Variants in PDE6B observed in about 807,000 individuals in gnomAD.
PDE6B encodes phosphodiesterase 6B, also known as rod cGMP-specific 3',5'-cyclic phosphodiesterase subunit beta.
PDE6B carries 106 observed loss-of-function variants against 109.0 expected under a neutral mutation model. The ratio of observed to expected loss-of-function variants is 0.97; its 90% CI spans 0.83 to 1.14. The LOEUF (loss-of-function observed/expected upper bound fraction) is 1.14, where lower values mean the gene tolerates loss of function less well. PDE6B is among the 50% of genes most tolerant of loss of function. The probability of loss-of-function intolerance (pLI) is 0.00; values close to 1 mark genes in which losing one functional copy is unlikely to be tolerated. For missense variants in PDE6B, 1,193 were observed against 1,155.6 expected (o/e 1.03, Z -0.47); for synonymous variants, 490 against 471.3 (o/e 1.04, Z -0.51).
In PDE6B at chr4:655,969, C is replaced by T; in HGVS notation, c.1022C>T (p.Ala341Val). The T allele has an allele frequency of 6.2e-7, 1 of 1,611,092 alleles. No individual in the cohort carries two copies. The highest frequency in any genetic ancestry group is 8.5e-7 in the Non-Finnish European group (1 of 1,177,522). Residue 341 changes from alanine (A) to valine (V), a missense_variant, in exon 7 of 22, where the codon GCC becomes GTC. Transcript: ENST00000496514. ...PTPSADHWAL[A>V]SGLPSYVAES... The stretch of plus-strand genomic sequence containing the variant: ...CCCTCAGCCGATCACTGGGCCCTGG[C>T]CAGCGGCCTTCCAAGCTACGTGGCA...
rs1444045851 is a variant in PDE6B, at chr4:663,100, G to A, written c.1833G>A (p.Lys611=). 1.3e-6 allele frequency: 2 copies of A among 1,599,242 alleles called. No individual in the cohort carries two copies. Among genetic ancestry groups the A allele is most frequent in the South Asian group, 2.2e-5 (2 of 90,810 alleles). The stretch of plus-strand genomic sequence containing the variant: ...CTCACCTCCACCACCTGTGTAACAG[G>A]TCCCAGAACCCCTTGGCTAAGCTCC... ...HRGTNNLYQM[K]SQNPLAKLHG... Residue 611 remains lysine (K), a splice_region_variant and synonymous_variant, in exon 15 of 22, where the codon AAG becomes AAA. Coordinates refer to ENST00000496514, the MANE Select transcript of PDE6B (RefSeq NM_000283.4). The surrounding 1 kb of genome is among the most constrained non-coding windows in gnomAD (Gnocchi z 4.0).
At chr4:661,456 C>T (rs1308014721) in intron 12 of PDE6B, 1 of 153,010 alleles carries the variant, frequency 6.5e-6, no homozygotes. Context: ...CCTGCCCTGC[C>T]CTGCTTCCAA....
In PDE6B at chr4:662,683, AG is replaced by A. The variant is rs1737252605; in HGVS notation, c.1832+67del. The A allele has an allele frequency of 9.7e-7, 1 of 1,031,056 alleles. No individual in the cohort carries two copies. The highest frequency in any genetic ancestry group is 1.7e-5 in the Admixed American group (1 of 58,652). 63.9% of individuals were successfully genotyped at this position (1,031,056 alleles called of 1,614,324 possible). A position where few individuals can be genotyped will look rare whatever the true frequency, so the allele number is the denominator to read the frequency against. ...CAACTCCACGCCCTTGGCGTGAATT[AG>A]GCTTCGCATAGCAGGCTATGTAGAA... is the stretch of plus-strand genomic sequence containing the variant. On this transcript the variant is annotated intron_variant, in intron 14 of 21. Coordinates refer to ENST00000496514, the MANE Select transcript of PDE6B (RefSeq NM_000283.4). This position sits in a 1 kb window ranked among gnomAD's most constrained non-coding sequence, Gnocchi z 4.3.
rs775653303 is a variant in PDE6B, at chr4:665,571, G to A, written c.2268+242G>A. On this transcript the variant is annotated intron_variant, in intron 19 of 21. Coordinates refer to ENST00000496514, the MANE Select transcript of PDE6B (RefSeq NM_000283.4). The surrounding 1 kb of genome is among the most constrained non-coding windows in gnomAD (Gnocchi z 4.0). ...GGCACTGGAGGAACCAGGGCCACCC[G>A]CTCATCACCAGGAGCCTCTGGGTCC... 2.0e-5 allele frequency among the ~76,000 whole-genome samples: 3 copies of A among 152,158 alleles called. No homozygotes were observed. The highest frequency in any genetic ancestry group is 6.5e-5 in the Admixed American group (1 of 15,278).
Position 666,291 on chromosome 4 carries a change from A to C in PDE6B, c.2269-240A>C, listed in dbSNP as rs1737789865. On this transcript the variant is annotated intron_variant, in intron 19 of 21. Transcript: ENST00000496514. This position sits in a 1 kb window ranked among gnomAD's most constrained non-coding sequence, Gnocchi z 5.6. The stretch of plus-strand genomic sequence containing the variant: ...AAGAGGGGGCTGCCCTCAGGGGACC[A>C]CGGGCTGGAGCCAACAGCAGCTGTG... Among the ~76,000 whole-genome samples, 1 of 152,120 alleles carries C rather than the reference A, an allele frequency of 6.6e-6. No individual in the cohort carries two copies.
chr4:641,060 A>G (rs1256903082), intron 3 of PDE6B, among the ~76,000 whole-genome samples: 1 of 152,246 alleles, frequency 6.6e-6, no homozygotes, highest in Non-Finnish European at 1.5e-5. Context: ...TCAGTTTGTC[A>G]ATATCCACAA....
intron 1 of PDE6B, among the ~76,000 whole-genome samples, chr4:628,893 T>G (rs1734245811): frequency 6.6e-6 from 1 of 152,176 alleles, no homozygotes; most frequent in Admixed American, 6.5e-5. Context: ...CGGCAGCCCC[T>G]TGGGGAGACA....
At chr4:635,345 G>C (rs1577246277) in intron 2 of PDE6B, among the ~76,000 whole-genome samples, 1 of 130,856 alleles carries the variant, frequency 7.6e-6, no homozygotes, top group Non-Finnish European at 1.6e-5. Flanking sequence ...CTCCTTACCT[G>C]CCTGCCTGCC....
At chr4:628,197 G>GCCTCATGAAGTGCATCA (rs1475328582) in intron 1 of PDE6B, among the ~76,000 whole-genome samples, 35 of 138,540 alleles carry the variant, frequency 2.5e-4, no homozygotes, top group Non-Finnish European at 4.2e-4. Flanking sequence ...GAAGTGCAAA[G>GCCTCATGAAGTGCATCA]CCTCATGAAG....
chr4:649,028 G>A (rs1389077373), intron 3 of PDE6B, among the ~76,000 whole-genome samples: 2 of 152,160 alleles, frequency 1.3e-5, no homozygotes, highest in African/African-American at 4.8e-5. Context: ...GCGGGAGCCT[G>A]TTGAGCTGGC....
chr4:628,180 TCCTCATGAAGTGCAAAG>T (rs957714311), intron 1 of PDE6B, among the ~76,000 whole-genome samples: 85 of 145,734 alleles, frequency 5.8e-4, no homozygotes, highest in Non-Finnish European at 2.9e-4. Context: ...GAAGTGCAAA[TCCTCATGAAGTGCAAAG>T]CCTCATGAAG....
rs760766981 is a variant in PDE6B, at chr4:660,579, T to C, written c.1580T>C (p.Leu527Pro). The change falls in exon 12 of 22, where the codon CTG becomes CCG. Residue 527 changes from leucine (L) to proline (P), a missense_variant. By Grantham distance (98) the Leu-to-Pro change is moderately conservative. Coordinates refer to ENST00000496514, the MANE Select transcript of PDE6B (RefSeq NM_000283.4). ...TGTGGCATCCAGATGTACTACGAGC[T>C]GGGCGTGGTCCGAAAGTTCCAGATC... The part of the protein sequence containing the change: ...VKCGIQMYYE[L>P]GVVRKFQIPQ... 4.5e-5 allele frequency: 72 copies of C among 1,613,706 alleles called. No individual in the cohort carries two copies. Among genetic ancestry groups the C allele is most frequent in the Non-Finnish European group, 6.0e-5 (71 of 1,179,996 alleles).
rs1447960040 is a variant in PDE6B, at chr4:665,671, A to C, written c.2268+342A>C. On this transcript the variant is annotated intron_variant, in intron 19 of 21. Transcript: ENST00000496514. The surrounding 1 kb of genome is among the most constrained non-coding windows in gnomAD (Gnocchi z 4.0). Reference sequence around the variant, plus strand: ...AAAGCCCTGGGGAGGGTGCTGGGGCAGAGAACGCATGGGGGGCGTCCCGGG... The same window carrying C: ...AAAGCCCTGGGGAGGGTGCTGGGGCCGAGAACGCATGGGGGGCGTCCCGGG... Among the ~76,000 whole-genome samples the C allele has an allele frequency of 6.6e-6, 1 of 152,146 alleles. No individual in the cohort carries two copies. The highest frequency in any genetic ancestry group is 2.4e-5 in the African/African-American group (1 of 41,450).
Position 663,000 on chromosome 4 carries a change from C to T in PDE6B, c.1833-100C>T. On this transcript the variant is annotated intron_variant, in intron 14 of 21. Transcript: ENST00000496514. The surrounding 1 kb of genome is among the most constrained non-coding windows in gnomAD (Gnocchi z 4.3). Reference sequence around the variant, plus strand: ...AGTGGGTGACAGAGGCAGACCCTGTCTCAAAAAAAAGAAAGTGGGGCCCAT... The same window carrying T: ...AGTGGGTGACAGAGGCAGACCCTGTTTCAAAAAAAAGAAAGTGGGGCCCAT... The T allele has an allele frequency of 3.9e-6, 3 of 771,254 alleles. No individual in the cohort carries two copies. The South Asian group carries it at 4.1e-5, about 11-fold the overall frequency. 47.8% of individuals were successfully genotyped at this position (771,254 alleles called of 1,614,324 possible). A position where few individuals can be genotyped will look rare whatever the true frequency, so the allele number is the denominator to read the frequency against.
chr4:662,618 A>C lies in PDE6B; in HGVS notation c.1832A>C (p.Lys611Thr). Residue 611 changes from lysine to threonine, a missense_variant and splice_region_variant, in exon 14 of 22, where the codon AAG (lysine) becomes ACG (threonine). Transcript: ENST00000496514. The surrounding 1 kb of genome is among the most constrained non-coding windows in gnomAD (Gnocchi z 4.3). ...HRGTNNLYQM[K>T]SQNPLAKLHG... ...GGCACCAACAACCTGTACCAGATGA[A>C]GTAGGCACCTCAGGGCGGGCATGTG... 6.3e-7 allele frequency: 1 copy of C among 1,577,176 alleles called. No homozygotes were observed. The highest frequency in any genetic ancestry group is 8.7e-7 in the Non-Finnish European group (1 of 1,147,118).
At chr4:669,494 A>AC (rs1267556924) in intron 21 of PDE6B, among the ~76,000 whole-genome samples, 18 of 114,322 alleles carry the variant, frequency 1.6e-4, no homozygotes, top group African/African-American at 7.4e-4. Flanking sequence ...TATTCCCGCT[A>AC]CCCCATGCTA....
In PDE6B at chr4:634,849, G is replaced by A; in HGVS notation, c.621+20G>A. The A allele has an allele frequency of 6.2e-7, 1 of 1,611,170 alleles. No individual in the cohort carries two copies. Among genetic ancestry groups the A allele is most frequent in the Non-Finnish European group, 8.5e-7 (1 of 1,177,456 alleles). On this transcript the variant is annotated intron_variant, in intron 2 of 21. Transcript: ENST00000496514. ...GAAGATGTGAGTGTGGGGGGCACCTGGGCAGCCGCGCGTCTGCCTCCCTGC... is the reference window on the plus strand; with the variant it reads ...GAAGATGTGAGTGTGGGGGGCACCTAGGCAGCCGCGCGTCTGCCTCCCTGC...
intron 1 of PDE6B, 34 bp from the exon 2 acceptor site, chr4:634,643 C>A (rs1180104753): frequency 1.3e-6 from 2 of 1,591,784 alleles, no homozygotes; most frequent in South Asian, 1.1e-5. Flanking sequence ...CACGGTGCGA[C>A]AGCCTCTTTA....
intron 3 of PDE6B, among the ~76,000 whole-genome samples, chr4:651,404 G>A (rs1176883141): frequency 1.3e-5 from 2 of 152,188 alleles, no homozygotes; most frequent in African/African-American, 4.8e-5. Flanking sequence ...GGCCTTGGGA[G>A]GAGGAGGGCC....
Sources: allele counts gnomAD v4.1 joint callset (sites outside exome capture counted in the v4.1 genomes callset), GRCh38; gene constraint gnomAD v4.1.1; non-coding constraint Gnocchi (gnomAD v3.1); transcripts MANE v1.5; gene names NCBI Gene and HGNC (gene_info 2026-07-23, HGNC 2026-07-21).